The following ALMS1 variants were observed in gnomAD, a reference collection of about 807,000 sequenced individuals.
ALMS1 encodes the protein ALMS1 centrosome and basal body associated protein.
Under a neutral mutation model 352.2 loss-of-function variants are expected in ALMS1, and 271 were observed. The ratio of observed to expected loss-of-function variants is 0.77; its 90% CI spans 0.70 to 0.85. ALMS1 has a LOEUF of 0.85. Among genes scored for constraint, ALMS1 ranks in the 40% least tolerant of loss-of-function variants. The pLI, the probability that ALMS1 is intolerant of heterozygous loss-of-function variation, is 0.00. For missense variants in ALMS1, 5,445 were observed against 4,870.7 expected (o/e 1.12, Z -3.51); for synonymous variants, 1,865 against 1,761.2 (o/e 1.06, Z -1.48).
intron 7 of ALMS1, among the ~76,000 whole-genome samples, chr2:73,444,747 G>A (rs1179851405): frequency 6.6e-6 from 1 of 152,032 alleles, no homozygotes; most frequent in South Asian, 2.1e-4. Flanking sequence ...TTATATTTAC[G>A]TCCACTGTGG....
rs1357500707 is a variant in ALMS1 at position 73,411,241 on chromosome 2, C to T, written c.450+2494C>T. Among the ~76,000 whole-genome samples the T allele has an allele frequency of 9.2e-5, 14 of 151,844 alleles. No homozygotes were observed. In the South Asian group the frequency reaches 2.9e-3, roughly 32 times the overall value. On this transcript the variant is annotated intron_variant, in intron 2 of 22. Coordinates refer to ENST00000613296, the MANE Select transcript of ALMS1 (RefSeq NM_001378454.1). Reference sequence around the variant, plus strand: ...GAAGATGGCCGTGTGAAGATGGAGGCAGAAATTGGAATTATGCTGCCACAT... The same window carrying T: ...GAAGATGGCCGTGTGAAGATGGAGGTAGAAATTGGAATTATGCTGCCACAT...
At position 73,422,852 on chromosome 2, in the gene ALMS1, T is replaced by C. The variant is rs913268523; in HGVS notation, c.647-5T>C. ...ACCCAGCATTTAATATTTGAAACTT[T>C]ACAGTCATACAAGATAGCTTTGCTT... On this transcript the variant is annotated splice_polypyrimidine_tract_variant and splice_region_variant and intron_variant, in intron 3 of 22. Coordinates refer to ENST00000613296, the MANE Select transcript of ALMS1 (RefSeq NM_001378454.1). The C allele has an allele frequency of 1.9e-6, 3 of 1,604,614 alleles. No homozygotes were observed. The African/African-American group carries it at 4.0e-5, about 22-fold the overall frequency.
chr2:73,440,218 A>G (rs1256422859), intron 7 of ALMS1, among the ~76,000 whole-genome samples: 1 of 151,822 alleles, frequency 6.6e-6, no homozygotes, highest in African/African-American at 2.4e-5. Flanking sequence ...CCTGACCTCA[A>G]GTGATCCACC....
intron 12 of ALMS1, among the ~76,000 whole-genome samples, chr2:73,538,064 T>C (rs958327093): frequency 2.6e-5 from 4 of 152,070 alleles, no homozygotes; most frequent in African/African-American, 4.8e-5. Context: ...TGGGAGACTT[T>C]ATCAAAATTC....
intron 16 of ALMS1, among the ~76,000 whole-genome samples, chr2:73,596,469 C>G (rs1043630286): frequency 7.2e-6 from 1 of 139,678 alleles, no homozygotes; most frequent in Non-Finnish European, 1.6e-5. Flanking sequence ...ATGTCTGTAT[C>G]TTTTTTTTTT....
intron 20 of ALMS1, among the ~76,000 whole-genome samples, 166 bp downstream of exon 20, chr2:73,602,534 T>C (rs956387875): frequency 6.6e-6 from 1 of 152,212 alleles, no homozygotes; most frequent in Non-Finnish European, 1.5e-5. Flanking sequence ...TCTCCCCAAC[T>C]TAGCCGTCAG....
At chr2:73,403,339 A>G (rs766269610) in intron 1 of ALMS1, among the ~76,000 whole-genome samples, 5 of 152,130 alleles carry the variant, frequency 3.3e-5, no homozygotes, top group Non-Finnish European at 7.4e-5. Flanking sequence ...TTAGCGAATC[A>G]TATATGCTTG....
rs117220946 is a variant in ALMS1, at chr2:73,519,676, T to C, written c.9540-99T>C. ...TTGATGTGTCCACAATATATTCCTATAGCTACTTAAATATTCCTTGAAACC... is the reference window on the plus strand; with the variant it reads ...TTGATGTGTCCACAATATATTCCTACAGCTACTTAAATATTCCTTGAAACC... On this transcript the variant is annotated intron_variant, in intron 10 of 22. Coordinates refer to ENST00000613296, the MANE Select transcript of ALMS1 (RefSeq NM_001378454.1). 9.8e-4 allele frequency: 1,469 copies of C among 1,495,876 alleles called. 26 individuals carry two copies. In the East Asian group the frequency reaches 0.029, roughly 30 times the overall value. 92.7% of individuals were successfully genotyped at this position (1,495,876 alleles called of 1,614,324 possible).
chr2:73,474,178 A>G (rs1572956121), intron 9 of ALMS1, among the ~76,000 whole-genome samples: 1 of 152,104 alleles, frequency 6.6e-6, no homozygotes, highest in African/African-American at 2.4e-5. Context: ...CATAAAATAC[A>G]AAACTATGAG....
intron 7 of ALMS1, among the ~76,000 whole-genome samples, chr2:73,439,786 G>A (rs953373864): frequency 8.6e-5 from 13 of 151,950 alleles, no homozygotes; most frequent in Non-Finnish European, 1.5e-4. Flanking sequence ...TGATCCACCC[G>A]CCTTGGCCTC....
chr2:73,563,494 G>A (rs1674708589), intron 15 of ALMS1, among the ~76,000 whole-genome samples: 2 of 151,940 alleles, frequency 1.3e-5, no homozygotes, highest in South Asian at 2.1e-4. Flanking sequence ...AGGCTGAGGC[G>A]GGCGGATTAA....
At chr2:73,489,348 A>G (rs1449087584) in intron 9 of ALMS1, among the ~76,000 whole-genome samples, 1 of 152,200 alleles carries the variant, frequency 6.6e-6, no homozygotes, top group Admixed American at 6.5e-5. Flanking sequence ...TATTAAAAGA[A>G]AGGTGAGAAT....
chr2:73,511,937 A>T (rs990219461), intron 10 of ALMS1, among the ~76,000 whole-genome samples: 1 of 152,234 alleles, frequency 6.6e-6, no homozygotes, highest in Non-Finnish European at 1.5e-5. Context: ...ACGTAAGTAT[A>T]TGTTTAATTT....
chr2:73,534,956 T>G lies in ALMS1; in HGVS notation c.9907+7T>G, dbSNP rs375870610. The G allele has an allele frequency of 9.9e-6, 16 of 1,613,684 alleles. No homozygotes were observed. In the African/African-American group the frequency reaches 1.7e-4, roughly 17 times the overall value. On this transcript the variant is annotated splice_region_variant and intron_variant, in intron 12 of 22. Transcript: ENST00000613296. ...GTTGAAAGCTCCCATTCAGGTATTA[T>G]GCAGAAATTATTCGAAGTTTTATTG...
At chr2:73,478,277 GA>G (rs1672622746) in intron 9 of ALMS1, among the ~76,000 whole-genome samples, 1 of 152,140 alleles carries the variant, frequency 6.6e-6, no homozygotes, top group East Asian at 1.9e-4. Flanking sequence ...ATGGTTATGT[GA>G]AAATACTGAA....
At chr2:73,541,791 A>C (rs1337830569) in intron 12 of ALMS1, among the ~76,000 whole-genome samples, 1 of 152,252 alleles carries the variant, frequency 6.6e-6, no homozygotes, top group Non-Finnish European at 1.5e-5. Flanking sequence ...ATTCCTCAAC[A>C]CATATACCTT....
chr2:73,392,172 TTGC>T (rs1479495072), intron 1 of ALMS1, among the ~76,000 whole-genome samples: 1 of 151,934 alleles, frequency 6.6e-6, no homozygotes, highest in African/African-American at 2.4e-5. Context: ...TAAGTTTCTG[TTGC>T]TGTTTATTTT....
At chr2:73,475,115 G>T (rs1024150394) in intron 9 of ALMS1, among the ~76,000 whole-genome samples, 1 of 152,008 alleles carries the variant, frequency 6.6e-6, no homozygotes, top group African/African-American at 2.4e-5. Flanking sequence ...ACATTTCATT[G>T]TATAGATACT....
intron 7 of ALMS1, among the ~76,000 whole-genome samples, chr2:73,443,088 T>A (rs1240364700): frequency 6.6e-6 from 1 of 152,204 alleles, no homozygotes; most frequent in Non-Finnish European, 1.5e-5. Flanking sequence ...GCATTAGTAA[T>A]GGAAAACTGA....
Sources: gnomAD v4.1 joint callset for allele counts (sites outside exome capture counted in the v4.1 genomes callset) on GRCh38, gnomAD v4.1.1 for gene constraint, MANE v1.5 for transcripts, NCBI Gene and HGNC (gene_info 2026-07-23, HGNC 2026-07-21) for gene names.